OPRD1: variants seen among roughly 807,000 people sequenced by gnomAD.
OPRD1 encodes opioid receptor delta 1, also known as delta-type opioid receptor.
OPRD1 carries 19 observed loss-of-function variants against 17.5 expected under a neutral mutation model. The observed-to-expected ratio is 1.09, with a 90% confidence interval of 0.76 to 1.60. The LOEUF is 1.60. OPRD1 is among the 40% of genes most tolerant of loss of function. The pLI is 0.00. For missense variants in OPRD1, 483 were observed against 547.2 expected (o/e 0.88, Z 1.17); for synonymous variants, 256 against 240.9 (o/e 1.06, Z -0.58).
intron 1 of OPRD1, among the ~76,000 whole-genome samples, chr1:28,836,509 C>CAA (rs36110179): frequency 0.16 from 21,837 of 135,780 alleles, 1,960 homozygotes; most frequent in Admixed American, 0.23. Context: ...GATTCCATCT[C>CAA]AAAAAAAAAA....
rs1429781947 is a variant in OPRD1 at position 28,863,109 on chromosome 1, C to G, written c.945C>G (p.Pro315=). The change falls in exon 3 of 3, where the codon CCC becomes CCG. Residue 315 remains proline (P), a synonymous_variant. Transcript: ENST00000234961. ...ALGYANSSLN[P]VLYAFLDENF... is the part of the protein sequence containing the mutation. ...GCTACGCCAATAGCAGCCTCAACCC[C>G]GTGCTCTACGCTTTCCTCGACGAGA... 1.2e-6 allele frequency: 2 copies of G among 1,610,382 alleles called. No homozygotes were observed. Among genetic ancestry groups the G allele is most frequent in the Non-Finnish European group, 8.5e-7 (1 of 1,179,200 alleles).
intron 1 of OPRD1, among the ~76,000 whole-genome samples, chr1:28,833,668 C>T (rs961031265): frequency 2.6e-5 from 4 of 152,166 alleles, no homozygotes; most frequent in Non-Finnish European, 5.9e-5. Flanking sequence ...TATAGTCTAG[C>T]CAAGTCGACA....
At chr1:28,827,012 C>T (rs970712924) in intron 1 of OPRD1, among the ~76,000 whole-genome samples, 16 of 152,184 alleles carry the variant, frequency 1.1e-4, no homozygotes, top group Admixed American at 6.5e-4. Flanking sequence ...AAACCACTTT[C>T]GGCCAGAAGC....
At chr1:28,846,853 T>TC (rs1491043319) in intron 1 of OPRD1, among the ~76,000 whole-genome samples, 4 of 54,836 alleles carry the variant, frequency 7.3e-5, no homozygotes, top group African/African-American at 2.4e-4. Context: ...TTCTTTTCTT[T>TC]CTTTCTTTCT....
At chr1:28,861,013 C>G (rs933976170) in intron 2 of OPRD1, among the ~76,000 whole-genome samples, 1 of 152,196 alleles carries the variant, frequency 6.6e-6, no homozygotes, top group Non-Finnish European at 1.5e-5. Flanking sequence ...CCCTCACACA[C>G]ACACTTTCCC....
intron 2 of OPRD1, among the ~76,000 whole-genome samples, chr1:28,860,260 G>A (rs929008119): frequency 6.6e-6 from 1 of 152,042 alleles, no homozygotes; most frequent in African/African-American, 2.4e-5. Context: ...AGCTACTTGG[G>A]AGGCTGAGGC....
chr1:28,861,421 C>T (rs2089117772), intron 2 of OPRD1, among the ~76,000 whole-genome samples: 1 of 152,098 alleles, frequency 6.6e-6, no homozygotes, highest in Non-Finnish European at 1.5e-5. Context: ...CTGCTTTCCT[C>T]CCAGAAGGAA....
intron 1 of OPRD1, among the ~76,000 whole-genome samples, chr1:28,827,486 C>A (rs764720719): frequency 2.6e-5 from 4 of 151,972 alleles, no homozygotes; most frequent in Non-Finnish European, 5.9e-5. Flanking sequence ...CATGCCATTG[C>A]GCCTAGCTTC....
chr1:28,833,569 T>A (rs912534602), intron 1 of OPRD1, among the ~76,000 whole-genome samples: 3 of 152,188 alleles, frequency 2.0e-5, no homozygotes, highest in Non-Finnish European at 4.4e-5. Context: ...ATAATCTCCT[T>A]AAAGTCAGCT....
chr1:28,839,005 G>A (rs1050529387), intron 1 of OPRD1, among the ~76,000 whole-genome samples: 2 of 152,068 alleles, frequency 1.3e-5, no homozygotes, highest in African/African-American at 4.8e-5. Context: ...TTGAACTTCC[G>A]GGCTCAAGTG....
chr1:28,812,341 G>C lies in OPRD1; in HGVS notation c.-43G>C. Reference sequence around the variant, plus strand: ...CCCTCGCGTCGGATCCCCGCGCCCAGGGCGCACGGTGGAGAGGGACGCGGC... The same window carrying C: ...CCCTCGCGTCGGATCCCCGCGCCCACGGCGCACGGTGGAGAGGGACGCGGC... On this transcript the variant is annotated 5_prime_UTR_variant, in exon 1 of 3. Transcript: ENST00000234961. 8.0e-7 allele frequency: 1 copy of C among 1,249,598 alleles called. No homozygotes were observed. Among genetic ancestry groups the C allele is most frequent in the Non-Finnish European group, 1.0e-6 (1 of 990,092 alleles). The allele number at this position is 1,249,598 out of a possible 1,614,324, so 77.4% of individuals were successfully genotyped here. A position where few individuals can be genotyped will look rare whatever the true frequency, so the allele number is the denominator to read the frequency against.
intron 1 of OPRD1, among the ~76,000 whole-genome samples, chr1:28,846,890 CTTTTCTCTTTCTTTCTTTT>C (rs1557576069): frequency 1.9e-5 from 1 of 52,332 alleles, no homozygotes; most frequent in African/African-American, 4.1e-5. Context: ...TTCTTTCTTT[CTTTTCTCTTTCTTTCTTTT>C]TCTTTCTTTC....
chr1:28,839,958 C>G (rs1189284828), intron 1 of OPRD1, among the ~76,000 whole-genome samples: 1 of 152,140 alleles, frequency 6.6e-6, no homozygotes, highest in African/African-American at 2.4e-5. Flanking sequence ...GATTCGATCT[C>G]TTTGGTCTGT....
intron 1 of OPRD1, among the ~76,000 whole-genome samples, chr1:28,841,232 G>A (rs1557574159): frequency 6.6e-6 from 1 of 152,202 alleles, no homozygotes; most frequent in Non-Finnish European, 1.5e-5. Context: ...GACCCCACCT[G>A]GGCTGTGAGC....
At chr1:28,841,640 C>A (rs1457593852) in intron 1 of OPRD1, among the ~76,000 whole-genome samples, 1 of 152,132 alleles carries the variant, frequency 6.6e-6, no homozygotes, top group Non-Finnish European at 1.5e-5. Flanking sequence ...TGACACCTTG[C>A]ACAAAGGAAG....
rs1166309931 is a variant in OPRD1 at position 28,870,235 on chromosome 1, T to C, written c.*6952T>C. ...ATGCCTGCACCAACCCATGCTTCTT[T>C]TTTTTTTTCTTTCTTTCTTTCTTTT... On this transcript the variant is annotated 3_prime_UTR_variant, in exon 3 of 3. Transcript: ENST00000234961. The C allele has an allele frequency of 6.6e-6, 1 of 151,814 alleles. No homozygotes were observed. The highest frequency in any genetic ancestry group is 1.5e-5 in the Non-Finnish European group (1 of 67,984). The allele number at this position is 151,814 out of a possible 1,614,324, so 9.4% of individuals were successfully genotyped here.
chr1:28,812,564 G>T lies in OPRD1; in HGVS notation c.181G>T (p.Ala61Ser), dbSNP rs765127515. ...CACCGCGCTCTACTCGGCCGTGTGCGCCGTGGGGCTGCTGGGCAACGTGCT... is the reference window on the plus strand; with the variant it reads ...CACCGCGCTCTACTCGGCCGTGTGCTCCGTGGGGCTGCTGGGCAACGTGCT... ...AITALYSAVC[A>S]VGLLGNVLVM... is the part of the protein sequence containing the mutation. The change falls in exon 1 of 3, where the codon GCC becomes TCC. Residue 61 changes from alanine to serine, a missense_variant. Physicochemically the swap from Ala to Ser is moderately conservative, Grantham distance 99. Coordinates refer to ENST00000234961, the MANE Select transcript of OPRD1 (RefSeq NM_000911.4). 6.3e-7 allele frequency: 1 copy of T among 1,576,950 alleles called. No individual in the cohort carries two copies. The highest frequency in any genetic ancestry group is 2.4e-5 in the East Asian group (1 of 41,760).
chr1:28,838,253 C>T (rs528595752), intron 1 of OPRD1, among the ~76,000 whole-genome samples: 10 of 152,204 alleles, frequency 6.6e-5, no homozygotes, highest in Non-Finnish European at 2.9e-5. Flanking sequence ...TGCCAAGAGC[C>T]GGGACCTTGT....
intron 1 of OPRD1, among the ~76,000 whole-genome samples, chr1:28,815,691 C>T (rs1032626840): frequency 6.6e-6 from 1 of 152,226 alleles, no homozygotes; most frequent in Admixed American, 6.5e-5. Context: ...TGCGCTCCAT[C>T]TGCGGTTTCC....
Sources: allele counts gnomAD v4.1 joint callset (sites outside exome capture counted in the v4.1 genomes callset), GRCh38; gene constraint gnomAD v4.1.1; transcripts MANE v1.5; gene names NCBI Gene and HGNC (gene_info 2026-07-23, HGNC 2026-07-21).